Variants in RGS7 observed in about 807,000 individuals in gnomAD.
RGS7 encodes the protein regulator of G-protein signaling 7.
In RGS7, 27 loss-of-function variants were observed where a neutral mutation model predicts 81.1. That is an observed-to-expected ratio of 0.33 (90% CI 0.25 to 0.46). RGS7 has a LOEUF of 0.46. RGS7 is among the 20% of genes least tolerant of loss of function. The pLI is 1.00. For missense variants in RGS7, 396 were observed against 607.4 expected (o/e 0.65, Z 3.66); for synonymous variants, 208 against 207.7 (o/e 1.00, Z -0.01).
intron 2 of RGS7, among the ~76,000 whole-genome samples, chr1:241,265,595 C>T (rs1264231204): frequency 6.6e-6 from 1 of 152,046 alleles, no homozygotes; most frequent in Non-Finnish European, 1.5e-5. Context: ...ATAGGTCAGA[C>T]AAGCAAACTA....
At chr1:241,315,165 G>A (rs1382465603) in intron 2 of RGS7, among the ~76,000 whole-genome samples, 1 of 118,768 alleles carries the variant, frequency 8.4e-6, no homozygotes, top group African/African-American at 3.3e-5. Flanking sequence ...AACTGACTTG[G>A]GGCTGAGGGA....
intron 2 of RGS7, among the ~76,000 whole-genome samples, chr1:241,276,893 C>T (rs755968903): frequency 2.0e-5 from 3 of 151,472 alleles, no homozygotes; most frequent in Admixed American, 6.6e-5. Context: ...ATAGTACAGG[C>T]GACAGTTAAA....
chr1:241,188,102 C>A (rs1017789527), intron 2 of RGS7, among the ~76,000 whole-genome samples: 1 of 151,976 alleles, frequency 6.6e-6, no homozygotes, highest in African/African-American at 2.4e-5. Context: ...GTTCCCAACA[C>A]AAAGAAATGA....
chr1:241,050,877 T>C (rs1223058050), intron 3 of RGS7, among the ~76,000 whole-genome samples: 2 of 152,216 alleles, frequency 1.3e-5, no homozygotes, highest in African/African-American at 4.8e-5. Flanking sequence ...AAAATACGTG[T>C]CAATCAAATG....
At chr1:241,235,038 A>G (rs954137756) in intron 2 of RGS7, among the ~76,000 whole-genome samples, 2 of 152,186 alleles carry the variant, frequency 1.3e-5, no homozygotes, top group African/African-American at 4.8e-5. Flanking sequence ...CATGATGTTA[A>G]TAAGATGTTT....
At chr1:241,059,404 G>T (rs1357409564) in intron 3 of RGS7, among the ~76,000 whole-genome samples, 1 of 152,152 alleles carries the variant, frequency 6.6e-6, no homozygotes, top group Non-Finnish European at 1.5e-5. Context: ...GAGTATATTA[G>T]TCAGCATTTG....
rs548443184 is a variant in RGS7 at position 240,962,461 on chromosome 1, C to T, written c.226+20618G>A. On this transcript the variant is annotated intron_variant, in intron 4 of 18. Coordinates refer to ENST00000440928, the MANE Select transcript of RGS7 (RefSeq NM_001364886.1). ...AAGCTCATCTAATTTAAAAGGTCTG[C>T]TTACCAAATGTGTACCTCAGTCATC... 3.3e-5 allele frequency among the ~76,000 whole-genome samples: 5 copies of T among 152,230 alleles called. No individual in the cohort carries two copies. In the South Asian group the frequency reaches 1.0e-3, roughly 32 times the overall value.
chr1:240,991,820 A>T (rs986170477), intron 3 of RGS7, among the ~76,000 whole-genome samples: 1 of 152,202 alleles, frequency 6.6e-6, no homozygotes, highest in Admixed American at 6.5e-5. Flanking sequence ...AATCAATTCC[A>T]TATGCTAGCT....
intron 3 of RGS7, among the ~76,000 whole-genome samples, chr1:241,006,683 G>A (rs182378867): frequency 4.6e-5 from 7 of 152,242 alleles, no homozygotes; most frequent in Admixed American, 3.9e-4. Flanking sequence ...AGTACTTCAG[G>A]AGATAGGACA....
intron 2 of RGS7, among the ~76,000 whole-genome samples, chr1:241,227,445 T>C (rs2075370888): frequency 6.6e-6 from 1 of 151,908 alleles, no homozygotes; most frequent in Non-Finnish European, 1.5e-5. Context: ...AAAGTTTTAT[T>C]TGCTTTCAAG....
chr1:241,330,922 CT>C (rs1239734444), intron 2 of RGS7, among the ~76,000 whole-genome samples: 7 of 152,184 alleles, frequency 4.6e-5, no homozygotes, highest in African/African-American at 9.7e-5. Context: ...CACATACCCC[CT>C]AAATCTATTT....
At chr1:241,251,454 G>A (rs1448521920) in intron 2 of RGS7, among the ~76,000 whole-genome samples, 1 of 152,100 alleles carries the variant, frequency 6.6e-6, no homozygotes, top group Admixed American at 6.6e-5. Context: ...TGCCTGGAGT[G>A]AAGAAGGTCC....
chr1:241,298,026 T>C (rs1304145303), intron 2 of RGS7, among the ~76,000 whole-genome samples: 1 of 152,158 alleles, frequency 6.6e-6, no homozygotes, highest in Admixed American at 6.5e-5. Flanking sequence ...ATACTTTTTT[T>C]AAAAGTCAGT....
intron 3 of RGS7, among the ~76,000 whole-genome samples, chr1:241,018,020 G>T (rs1200119513): frequency 6.6e-6 from 1 of 151,856 alleles, no homozygotes; most frequent in Non-Finnish European, 1.5e-5. Flanking sequence ...AGGCTGGGGT[G>T]CAGTGGCATG....
At chr1:240,877,010 T>C (rs1665541253) in intron 6 of RGS7, among the ~76,000 whole-genome samples, 1 of 152,118 alleles carries the variant, frequency 6.6e-6, no homozygotes, top group Non-Finnish European at 1.5e-5. Context: ...GGACTTGCTT[T>C]TCTAGGACTA....
intron 2 of RGS7, among the ~76,000 whole-genome samples, chr1:241,221,151 AAAC>A (rs898214055): frequency 8.6e-5 from 13 of 151,726 alleles, no homozygotes; most frequent in South Asian, 6.2e-4. Context: ...AGAAAAAAGA[AAAC>A]AAAAGAAGGA....
chr1:241,119,440 A>G (rs1203236786), intron 2 of RGS7, among the ~76,000 whole-genome samples: 1 of 152,244 alleles, frequency 6.6e-6, no homozygotes, highest in Non-Finnish European at 1.5e-5. Flanking sequence ...CCAAAACTCC[A>G]CAGGTAGTAG....
intron 2 of RGS7, among the ~76,000 whole-genome samples, chr1:241,125,280 C>A (rs1427602977): frequency 6.6e-6 from 1 of 152,182 alleles, no homozygotes; most frequent in Non-Finnish European, 1.5e-5. Context: ...TCGCTCTAAG[C>A]ATTTTATGAG....
intron 3 of RGS7, among the ~76,000 whole-genome samples, chr1:241,024,479 C>A (rs908931711): frequency 4.6e-5 from 7 of 152,164 alleles, no homozygotes; most frequent in Non-Finnish European, 1.0e-4. Context: ...CAGCAGGAAG[C>A]ACAAACATCT....
Sources: allele counts gnomAD v4.1 joint callset (sites outside exome capture counted in the v4.1 genomes callset), GRCh38; gene constraint gnomAD v4.1.1; transcripts MANE v1.5; gene names NCBI Gene and HGNC (gene_info 2026-07-23, HGNC 2026-07-21).